SCGB2B2: variants seen among roughly 807,000 people sequenced by gnomAD.
SCGB2B2 encodes the protein secretoglobin-like protein.
SCGB2B2 carries 11 observed loss-of-function variants against 7.6 expected under a neutral mutation model. The ratio of observed to expected loss-of-function variants is 1.45; its 90% CI spans 0.91 to 2.40. SCGB2B2 has a LOEUF of 2.40. SCGB2B2 is among the 30% of genes most tolerant of loss of function. The pLI is 0.00. For synonymous variants in SCGB2B2, 50 were observed against 48.6 expected (o/e 1.03, Z -0.12); for missense variants, 104 against 115.4 (o/e 0.90, Z 0.45).
rs187877949 is a variant in SCGB2B2, at chr19:34,658,115, A to G, written c.-2032+17515T>C. 1.1e-3 allele frequency among the ~76,000 whole-genome samples: 175 copies of G among 152,356 alleles called. 1 individual carries two copies. The East Asian group carries it at 0.027, about 23-fold the overall frequency. On this transcript the variant is annotated intron_variant, in intron 1 of 3. Coordinates refer to ENST00000601241, the MANE Select transcript of SCGB2B2 (RefSeq NM_001025591.4). ...TAAAGCAGTGTGTAGAGGGAAATTT[A>G]TAGCACTAAATGCCCACAAGAGAAA...
rs796387836 is a variant in SCGB2B2 at position 34,633,842 on chromosome 19, C to A, written c.-2031-37248G>T. 1.8e-3 allele frequency among the ~76,000 whole-genome samples: 281 copies of A among 152,234 alleles called. 2 individuals are homozygous for A. Among genetic ancestry groups the A allele is most frequent in the African/African-American group, 6.6e-3 (273 of 41,546 alleles). ...GGGTCTCCTGCTTCTCTTGAAAAAC[C>A]AGAAAATTTAGTACATATATAAGGG... is the stretch of plus-strand genomic sequence containing the variant. On this transcript the variant is annotated intron_variant, in intron 1 of 3. Transcript: ENST00000601241.
At chr19:34,598,453 G>A (rs1025785027) in intron 1 of SCGB2B2, among the ~76,000 whole-genome samples, 10 of 152,150 alleles carry the variant, frequency 6.6e-5, no homozygotes, top group African/African-American at 1.2e-4. Context: ...TGTCCAAGGT[G>A]AGGTCACTAG....
intron 1 of SCGB2B2, among the ~76,000 whole-genome samples, chr19:34,652,902 C>T (rs1481392972): frequency 6.6e-6 from 1 of 151,364 alleles, no homozygotes; most frequent in Non-Finnish European, 1.5e-5. Flanking sequence ...GATATCTGCA[C>T]TCTCATGTTT....
chr19:34,614,797 G>T (rs2066026262), intron 1 of SCGB2B2, among the ~76,000 whole-genome samples: 1 of 152,154 alleles, frequency 6.6e-6, no homozygotes, highest in African/African-American at 2.4e-5. Flanking sequence ...ATATTCTTGT[G>T]CCAGTTGGCA....
rs34166837 is a variant in SCGB2B2, at chr19:34,592,394, C to CT, written c.*1160dup. Among the ~76,000 whole-genome samples the CT allele has an allele frequency of 0.09, 13,695 of 151,990 alleles. 827 individuals are homozygous for CT. The highest frequency in any genetic ancestry group is 0.18 in the South Asian group (872 of 4,800). ...GTATTCCCATGGAAGGGGAGTGAGG[C>CT]TGGAGGCAGGGAGACTCAGAGGGAT... On this transcript the variant is annotated 3_prime_UTR_variant, in exon 4 of 4. Coordinates refer to ENST00000601241, the MANE Select transcript of SCGB2B2 (RefSeq NM_001025591.4).
chr19:34,677,060 C>T lies in SCGB2B2; in HGVS notation c.-3462G>A, dbSNP rs1306521792. 1 of 151,896 alleles carries T rather than the reference C, an allele frequency of 6.6e-6. No homozygotes were observed. Among genetic ancestry groups the T allele is most frequent in the Non-Finnish European group, 1.5e-5 (1 of 68,032 alleles). The allele number at this position is 151,896 out of a possible 1,614,324, so 9.4% of individuals were successfully genotyped here. ...GGCCATTAGTGTCACAGATACGTGT[C>T]CCCTTGCATTTCCAGGAAATGCCCT... On this transcript the variant is annotated 5_prime_UTR_variant, in exon 1 of 4. Transcript: ENST00000601241.
chr19:34,625,119 ATAT>A (rs1228699206), intron 1 of SCGB2B2, among the ~76,000 whole-genome samples: 1 of 152,172 alleles, frequency 6.6e-6, no homozygotes, highest in Non-Finnish European at 1.5e-5. Flanking sequence ...AAAACCCTTA[ATAT>A]TATAAAAGAA....
intron 1 of SCGB2B2, among the ~76,000 whole-genome samples, chr19:34,665,928 C>G (rs2067605722): frequency 6.6e-6 from 1 of 152,092 alleles, no homozygotes; most frequent in African/African-American, 2.4e-5. Context: ...ACACAGTGCT[C>G]TGGGGTCCAG....
chr19:34,616,923 C>T (rs1448089216), intron 1 of SCGB2B2, among the ~76,000 whole-genome samples: 1 of 152,166 alleles, frequency 6.6e-6, no homozygotes, highest in South Asian at 2.1e-4. Flanking sequence ...GTTTTCCCAG[C>T]ACCATTTATT....
chr19:34,590,555 G>T (rs1394975172), downstream of SCGB2B2, among the ~76,000 whole-genome samples: 3 of 152,222 alleles, frequency 2.0e-5, no homozygotes, highest in Non-Finnish European at 4.4e-5. Flanking sequence ...TCTTGTTGAA[G>T]AGGATGTGGA....
intron 1 of SCGB2B2, among the ~76,000 whole-genome samples, chr19:34,671,614 ATTGT>A (rs201846647): frequency 0.014 from 2,138 of 152,292 alleles, 35 homozygotes; most frequent in South Asian, 0.075. Context: ...ATCCATAAAC[ATTGT>A]GTATCTCTCC....
chr19:34,596,629 T>G (rs2065464628), intron 1 of SCGB2B2, 35 bp from the exon 2 acceptor site: 1 of 152,478 alleles, frequency 6.6e-6, no homozygotes, highest in African/African-American at 2.4e-5. Context: ...GGAGGCCTGG[T>G]GTGGGGACCC....
intron 1 of SCGB2B2, among the ~76,000 whole-genome samples, chr19:34,627,174 T>A (rs1042700209): frequency 6.6e-6 from 1 of 152,126 alleles, no homozygotes; most frequent in Non-Finnish European, 1.5e-5. Flanking sequence ...GTAAAGACCA[T>A]CAATGATAGG....
chr19:34,645,984 C>A, intron 1 of SCGB2B2: 1 of 329,980 alleles, frequency 3.0e-6, no homozygotes, highest in South Asian at 2.9e-5. Context: ...CCCCAGCCCC[C>A]TGACAGAGGA....
intron 1 of SCGB2B2, among the ~76,000 whole-genome samples, chr19:34,616,425 T>C (rs1268140008): frequency 8.2e-6 from 1 of 122,016 alleles, no homozygotes; most frequent in Non-Finnish European, 1.9e-5. Context: ...TGATTTGCAT[T>C]TCTCTGATGG....
chr19:34,676,313 T>C lies in SCGB2B2; in HGVS notation c.-2715A>G, dbSNP rs2067945294. 1 of 152,218 alleles carries C rather than the reference T, an allele frequency of 6.6e-6. No individual in the cohort carries two copies. Among genetic ancestry groups the C allele is most frequent in the Non-Finnish European group, 1.5e-5 (1 of 68,030 alleles). The allele number at this position is 152,218 out of a possible 1,614,324, so 9.4% of individuals were successfully genotyped here. On this transcript the variant is annotated 5_prime_UTR_variant, in exon 1 of 4. The change creates a new upstream start codon in the 5' untranslated region. Transcript: ENST00000601241. ...TCACCTCTCGGTTATATGCTAATTA[T>C]ATGCATTAGCACGCTAAGAGAAACG...
chr19:34,650,928 GGGATGCAAGAAT>G (rs138198423), intron 1 of SCGB2B2, among the ~76,000 whole-genome samples: 4,121 of 151,230 alleles, frequency 0.027, 453 homozygotes, highest in African/African-American at 0.095. Context: ...ATTCAACCCA[GGGATGCAAGAAT>G]GTTTCCAGAT....
At chr19:34,673,543 A>G (rs2067851802) in intron 1 of SCGB2B2, among the ~76,000 whole-genome samples, 1 of 152,358 alleles carries the variant, frequency 6.6e-6, no homozygotes, top group African/African-American at 2.4e-5. Context: ...AAACAAGAGG[A>G]GGAATGCACT....
chr19:34,663,355 T>C (rs1282008964), intron 1 of SCGB2B2, among the ~76,000 whole-genome samples: 3 of 152,168 alleles, frequency 2.0e-5, no homozygotes, highest in Non-Finnish European at 4.4e-5. Context: ...TTCATGATAA[T>C]AGAATCAGTA....
Sources: gnomAD v4.1 joint callset for allele counts (sites outside exome capture counted in the v4.1 genomes callset) on GRCh38, gnomAD v4.1.1 for gene constraint, MANE v1.5 for transcripts, NCBI Gene and HGNC (gene_info 2026-07-23, HGNC 2026-07-21) for gene names.